The following ZDHHC24 variants were observed in gnomAD, a reference collection of about 807,000 sequenced individuals.
ZDHHC24 encodes zDHHC palmitoyltransferase 24.
In ZDHHC24, 17 loss-of-function variants were observed where a neutral mutation model predicts 23.2. That is an observed-to-expected ratio of 0.73 (90% confidence interval 0.50 to 1.10). The LOEUF (loss-of-function observed/expected upper bound fraction) is 1.10. Among genes scored for constraint, ZDHHC24 ranks in the 50% least tolerant of loss-of-function variants. ZDHHC24 has a pLI of 0.00. For missense variants in ZDHHC24, 366 were observed against 393.0 expected, an observed-to-expected ratio of 0.93 and a Z score of 0.58; for synonymous variants, 186 against 194.5, an observed-to-expected ratio of 0.96 and a Z score of 0.36.
chr11:66,526,697 A>T (rs1285285518), intron 4 of ZDHHC24: 9 of 1,614,076 alleles, frequency 5.6e-6, no homozygotes, highest in Non-Finnish European at 7.6e-6. Context: ...GTGTTTGTAG[A>T]GGGAGGAAGT....
intron 2 of ZDHHC24, chr11:66,529,676 T>G: frequency 9.3e-7 from 1 of 1,073,770 alleles, no homozygotes; most frequent in South Asian, 1.3e-5. Flanking sequence ...GCTCTTTCCC[T>G]CCTCCCCAGC....
intron 4 of ZDHHC24, among the ~76,000 whole-genome samples, chr11:66,525,451 A>G (rs1479988497): frequency 1.3e-5 from 2 of 151,892 alleles, no homozygotes; most frequent in Non-Finnish European, 2.9e-5. Context: ...CTATAATCGC[A>G]TCTACTGGGA....
chr11:66,544,236 A>G (rs1857244892), intron 1 of ZDHHC24, among the ~76,000 whole-genome samples: 1 of 152,150 alleles, frequency 6.6e-6, no homozygotes, highest in African/African-American at 2.4e-5. Context: ...GACATCCAGC[A>G]GCAAATCCCT....
At chr11:66,529,494 G>T in intron 2 of ZDHHC24, 1 of 728,676 alleles carries the variant, frequency 1.4e-6, no homozygotes, top group South Asian at 1.5e-5. Context: ...ATTGTCTGGG[G>T]GAAGAAGATG....
downstream of ZDHHC24, among the ~76,000 whole-genome samples, chr11:66,534,385 G>A (rs1036325415): frequency 7.2e-6 from 1 of 138,166 alleles, no homozygotes; most frequent in African/African-American, 2.7e-5. Flanking sequence ...GGAGGTTGTA[G>A]TGAGCCAAGA....
At chr11:66,534,316 G>C (rs993233839), downstream of ZDHHC24, among the ~76,000 whole-genome samples, 3 of 150,262 alleles carry the variant, frequency 2.0e-5, no homozygotes, top group Admixed American at 1.3e-4. Context: ...GGTGGCAGGC[G>C]CGTGTAATCC....
At chr11:66,521,717 C>G (rs1856226967) in intron 4 of ZDHHC24, 2 of 335,476 alleles carry the variant, frequency 6.0e-6, no homozygotes, top group Non-Finnish European at 1.2e-5. Flanking sequence ...ACCAGCCTGG[C>G]CAACATGGTG....
chr11:66,523,581 A>T, intron 4 of ZDHHC24: 1 of 1,614,138 alleles, frequency 6.2e-7, no homozygotes, highest in Non-Finnish European at 8.5e-7. Flanking sequence ...CACAAGGTGC[A>T]GCCCCCAGCA....
downstream of ZDHHC24, chr11:66,531,830 TC>T: frequency 6.2e-7 from 1 of 1,605,968 alleles, no homozygotes; most frequent in East Asian, 2.2e-5. Context: ...CTTAGGGGGC[TC>T]CTGGGTGGGG....
Position 66,545,882 on chromosome 11 carries a change from G to A in ZDHHC24, c.122C>T (p.Pro41Leu), listed in dbSNP as rs1216541085. Residue 41 changes from proline to leucine, a missense_variant, in exon 1 of 3, where the codon CCC (proline) becomes CTC (leucine). Pro to Leu is a moderately conservative substitution (Grantham distance 98, BLOSUM62 -3). Transcript: ENST00000310442. The surrounding 1 kb of genome is among the most constrained non-coding windows in gnomAD (Gnocchi z 4.5). Reference protein sequence around the residue: ...LELAYVLVLGPGPPPLGPLAR... With the variant: ...LELAYVLVLGLGPPPLGPLAR... ...CAGGGGTCCCAGCGGCGGCGGCCCGGGACCGAGCACCAGCACGTAAGCCAG... is the reference window on the plus strand; with the variant it reads ...CAGGGGTCCCAGCGGCGGCGGCCCGAGACCGAGCACCAGCACGTAAGCCAG... 1 of 1,545,022 alleles carries A rather than the reference G, an allele frequency of 6.5e-7. No homozygotes were observed. The highest frequency in any genetic ancestry group is 8.7e-7 in the Non-Finnish European group (1 of 1,151,944).
downstream of ZDHHC24, chr11:66,531,856 A>C: frequency 6.3e-7 from 1 of 1,598,874 alleles, no homozygotes; most frequent in Non-Finnish European, 8.5e-7. Context: ...GGGTATCTGC[A>C]CAGTGGAGCC....
intron 4 of ZDHHC24, chr11:66,526,065 C>T: frequency 6.5e-7 from 1 of 1,539,744 alleles, no homozygotes; most frequent in Non-Finnish European, 9.0e-7. Context: ...TACCCATCCC[C>T]TGTCTTGCTT....
rs140403393 is a variant in ZDHHC24 at position 66,545,206 on chromosome 11, AT to A, written c.281+516del. 0.18 allele frequency among the ~76,000 whole-genome samples: 28,005 copies of A among 151,878 alleles called. 3,398 individuals carry two copies. The highest frequency in any genetic ancestry group is 0.25 in the Non-Finnish European group (16,722 of 67,948). On this transcript the variant is annotated intron_variant, in intron 1 of 2. Coordinates refer to ENST00000310442, the MANE Select transcript of ZDHHC24 (RefSeq NM_207340.3). The surrounding 1 kb of genome is among the most constrained non-coding windows in gnomAD (Gnocchi z 4.5). ...AGGCACGTGCCGCCATGCCCGACTA[AT>A]TTTTTTATATTTTTAGTAGAGACGG...
At chr11:66,528,158 G>A (rs1173825506) in intron 3 of ZDHHC24, among the ~76,000 whole-genome samples, 6 of 152,148 alleles carry the variant, frequency 3.9e-5, no homozygotes, top group Admixed American at 2.0e-4. Flanking sequence ...AAAGGTTGCA[G>A]TGAACCAAGA....
chr11:66,523,679 C>G lies in ZDHHC24; in HGVS notation c.*22-2213G>C, dbSNP rs553625102. 6.8e-6 allele frequency: 11 copies of G among 1,610,082 alleles called. No individual in the cohort carries two copies. In the African/African-American group the frequency reaches 1.5e-4, roughly 21 times the overall value. On this transcript the variant is annotated intron_variant, in intron 4 of 4. Transcript: ENST00000526986. The stretch of plus-strand genomic sequence containing the variant: ...CCCACCCCAGAAACCGTTCTTTCCA[C>G]TGTAAGCCCTGAGCCCTCCACAGAC...
At chr11:66,528,173 G>A (rs1220492129) in intron 3 of ZDHHC24, among the ~76,000 whole-genome samples, 1 of 152,122 alleles carries the variant, frequency 6.6e-6, no homozygotes, top group South Asian at 2.1e-4. Context: ...CCAAGATCAC[G>A]CCACTGCACT....
At chr11:66,530,909 C>A (rs1194392195), downstream of ZDHHC24, 2 of 1,614,038 alleles carry the variant, frequency 1.2e-6, no homozygotes, top group Admixed American at 3.3e-5. Flanking sequence ...GGGCCTTGGC[C>A]CCACCTTTAA....
intron 2 of ZDHHC24, chr11:66,529,743 G>A (rs1256846203): frequency 2.5e-6 from 4 of 1,573,472 alleles, no homozygotes; most frequent in South Asian, 1.1e-5. Context: ...ACCAACCTGA[G>A]CAGGAGTGCC....
chr11:66,530,849 A>G (rs147732822), downstream of ZDHHC24: 510 of 1,614,108 alleles, frequency 3.2e-4, 5 homozygotes, highest in East Asian at 9.6e-3. Flanking sequence ...TCCGTGCCCA[A>G]GGCTGCCAGG....
Sources: allele counts gnomAD v4.1 joint callset (sites outside exome capture counted in the v4.1 genomes callset), GRCh38; gene constraint gnomAD v4.1.1; non-coding constraint Gnocchi (gnomAD v3.1); transcripts MANE v1.5; gene names NCBI Gene and HGNC (gene_info 2026-07-23, HGNC 2026-07-21).